Variants in NOL4 observed in about 807,000 individuals in gnomAD.
The protein encoded by NOL4 is nucleolar protein 4, also known as cancer/testis antigen 125.
Under a neutral mutation model 75.9 loss-of-function variants are expected in NOL4, and 17 were observed. That is an observed-to-expected ratio of 0.22 (90% CI 0.15 to 0.34). NOL4 has a LOEUF of 0.34. Among genes scored for constraint, NOL4 ranks in the 10% least tolerant of loss-of-function variants. The pLI, the probability that NOL4 is intolerant of heterozygous loss-of-function variation, is 1.00. For missense variants in NOL4, 614 were observed against 793.5 expected (o/e 0.77, Z 2.72); for synonymous variants, 292 against 289.9 (o/e 1.01, Z -0.07).
intron 1 of NOL4, among the ~76,000 whole-genome samples, chr18:34,176,145 A>G (rs975629071): frequency 6.6e-6 from 1 of 152,108 alleles, no homozygotes; most frequent in African/African-American, 2.4e-5. Context: ...TTAAAAAAAT[A>G]AAGGACCAAG....
intron 5 of NOL4, among the ~76,000 whole-genome samples, chr18:34,056,712 G>A (rs1239059722): frequency 1.3e-5 from 2 of 152,108 alleles, no homozygotes; most frequent in Non-Finnish European, 2.9e-5. Flanking sequence ...AAAAGGACAT[G>A]GGCATGCAAA....
intron 10 of NOL4, among the ~76,000 whole-genome samples, chr18:33,871,070 G>A (rs920142321): frequency 6.6e-6 from 1 of 151,780 alleles, no homozygotes; most frequent in African/African-American, 2.4e-5. Context: ...AATTGTTCGT[G>A]GATGAAAAAA....
At chr18:34,194,466 A>G (rs1341079242) in intron 1 of NOL4, among the ~76,000 whole-genome samples, 1 of 147,244 alleles carries the variant, frequency 6.8e-6, no homozygotes, top group Non-Finnish European at 1.5e-5. Flanking sequence ...GAAGGCAGGC[A>G]GGCAGGCAGG....
intron 9 of NOL4, among the ~76,000 whole-genome samples, chr18:33,905,782 A>C (rs1245985711): frequency 6.6e-6 from 1 of 152,146 alleles, no homozygotes; most frequent in Non-Finnish European, 1.5e-5. Context: ...TAGACACTAC[A>C]TGCAAAGTGA....
At chr18:34,089,007 A>G (rs972302664) in intron 5 of NOL4, among the ~76,000 whole-genome samples, 9 of 152,082 alleles carry the variant, frequency 5.9e-5, no homozygotes, top group Non-Finnish European at 7.4e-5. Context: ...GAGTGTATAC[A>G]TATCTATATA....
chr18:34,103,001 A>G (rs147033694), intron 4 of NOL4, among the ~76,000 whole-genome samples: 69 of 152,138 alleles, frequency 4.5e-4, no homozygotes, highest in Non-Finnish European at 8.2e-4. Context: ...GAGATCAAAC[A>G]ATTTTATAAA....
chr18:34,059,117 A>G (rs2076953700), intron 5 of NOL4, among the ~76,000 whole-genome samples: 1 of 86,444 alleles, frequency 1.2e-5, no homozygotes, highest in Non-Finnish European at 2.4e-5. Context: ...AGATAGATAG[A>G]TATACATATA....
chr18:33,982,739 G>A lies in NOL4; in HGVS notation c.1057-24321C>T, dbSNP rs143143693. 2.2e-3 allele frequency among the ~76,000 whole-genome samples: 323 copies of A among 148,184 alleles called. 3 individuals are homozygous for A. The highest frequency in any genetic ancestry group is 6.8e-3 in the African/African-American group (272 of 40,268). ...ATAAACTGTGGTATATCCAGACAAT[G>A]GGATTTTTTTTTTTTTTTTTTTTTT... is the stretch of plus-strand genomic sequence containing the variant. On this transcript the variant is annotated intron_variant, in intron 6 of 10. Coordinates refer to ENST00000261592, the MANE Select transcript of NOL4 (RefSeq NM_003787.5).
chr18:34,048,813 A>G (rs1308386292), intron 5 of NOL4, among the ~76,000 whole-genome samples: 2 of 152,108 alleles, frequency 1.3e-5, no homozygotes, highest in Non-Finnish European at 2.9e-5. Flanking sequence ...CAGGGAGATC[A>G]CTGGTTAAGA....
intron 9 of NOL4, among the ~76,000 whole-genome samples, chr18:33,931,313 G>A (rs555889869): frequency 6.6e-6 from 1 of 152,244 alleles, no homozygotes; most frequent in East Asian, 1.9e-4. Flanking sequence ...GAACATTGGG[G>A]AACTCTATAG....
At chr18:33,862,150 A>C (rs1387471560) in intron 10 of NOL4, among the ~76,000 whole-genome samples, 1 of 152,188 alleles carries the variant, frequency 6.6e-6, no homozygotes, top group Non-Finnish European at 1.5e-5. Flanking sequence ...GACAAACCTG[A>C]GAAAAACAAG....
At position 34,223,142 on chromosome 18, in the gene NOL4, G is replaced by T. The variant is rs1260533140; in HGVS notation, c.112C>A (p.Gln38Lys). The T allele has an allele frequency of 6.2e-7, 1 of 1,614,094 alleles. No homozygotes were observed. Among genetic ancestry groups the T allele is most frequent in the African/African-American group, 1.3e-5 (1 of 74,932 alleles). ...VTRKKYERIVQLLNGSESSST... is the reference protein window; with the variant it reads ...VTRKKYERIVKLLNGSESSST... ...CTCGACTCGGAGCCATTGAGGAGCT[G>T]GACGATCCGTTCGTATTTTTTACGG... is the stretch of plus-strand genomic sequence containing the variant. The change falls in exon 1 of 11, where the codon CAG becomes AAG. Residue 38 changes from glutamine (Q) to lysine (K), a missense_variant. By Grantham distance (53) the Gln-to-Lys change is moderately conservative. Transcript: ENST00000261592.
intron 2 of NOL4, 117 bp from the exon 3 acceptor site, chr18:34,105,277 A>G: frequency 1.5e-6 from 1 of 678,756 alleles, no homozygotes; most frequent in South Asian, 1.7e-5. Flanking sequence ...AGGAAGCACA[A>G]TGAAAGCATG....
At chr18:33,934,747 T>C (rs2067939481) in intron 9 of NOL4, among the ~76,000 whole-genome samples, 3 of 152,158 alleles carry the variant, frequency 2.0e-5, no homozygotes, top group Admixed American at 6.6e-5. Context: ...GGATTAGGAT[T>C]TGGTGTAAGG....
intron 2 of NOL4, among the ~76,000 whole-genome samples, chr18:34,115,536 T>A (rs2079813363): frequency 7.0e-6 from 1 of 143,022 alleles, no homozygotes; most frequent in Admixed American, 7.1e-5. Context: ...CAACATGGAA[T>A]AACTTAGGCT....
chr18:33,860,755 A>C (rs1007764959), intron 10 of NOL4, among the ~76,000 whole-genome samples: 7 of 151,858 alleles, frequency 4.6e-5, no homozygotes, highest in African/African-American at 1.7e-4. Flanking sequence ...ATTCAGTATG[A>C]TATTGGCTGT....
intron 9 of NOL4, 78 bp from the exon 10 acceptor site, chr18:33,883,502 T>C: frequency 1.9e-6 from 2 of 1,074,908 alleles, no homozygotes. Context: ...CTTATTGTTA[T>C]CTAAATACCT....
intron 1 of NOL4, among the ~76,000 whole-genome samples, chr18:34,163,491 A>T (rs1221818978): frequency 6.6e-6 from 1 of 152,144 alleles, no homozygotes; most frequent in African/African-American, 2.4e-5. Context: ...CCCATTCACA[A>T]CTGCTTCAAA....
chr18:34,062,794 A>G (rs911769791), intron 5 of NOL4, among the ~76,000 whole-genome samples: 8 of 152,162 alleles, frequency 5.3e-5, no homozygotes, highest in African/African-American at 1.9e-4. Flanking sequence ...ACTAGCAGAT[A>G]GAAAGCCATA....
Sources: gnomAD v4.1 joint callset for allele counts (sites outside exome capture counted in the v4.1 genomes callset) on GRCh38, gnomAD v4.1.1 for gene constraint, MANE v1.5 for transcripts, NCBI Gene and HGNC (gene_info 2026-07-23, HGNC 2026-07-21) for gene names.